FMNL2: variants seen among roughly 807,000 people sequenced by gnomAD.
FMNL2 encodes the protein formin-like protein 2.
In FMNL2, 51 loss-of-function variants were observed where a neutral mutation model predicts 130.2. The observed-to-expected ratio is 0.39, with a 90% CI of 0.31 to 0.49. The LOEUF (loss-of-function observed/expected upper bound fraction) is 0.49. Ranked by LOEUF, FMNL2 falls within the 20% of genes least tolerant of loss-of-function variation. The pLI, the probability that FMNL2 is intolerant of heterozygous loss-of-function variation, is 0.85. For missense variants in FMNL2, 977 were observed against 1,316.2 expected (o/e 0.74, Z 3.99); for synonymous variants, 465 against 467.1 (o/e 1.00, Z 0.06).
At chr2:152,558,600 G>C (rs11692343) in intron 4 of FMNL2, 140 bp from the exon 5 acceptor site, 17,967 of 663,068 alleles carry the variant, frequency 0.027, 328 homozygotes, top group Non-Finnish European at 0.035. Flanking sequence ...CTCATGTGAA[G>C]TAGTCTAGGC....
In FMNL2 at chr2:152,487,779, T is replaced by G. The variant is rs190512845; in HGVS notation, c.118-34164T>G. 7.2e-5 allele frequency among the ~76,000 whole-genome samples: 11 copies of G among 152,088 alleles called. No individual in the cohort carries two copies. In the East Asian group the frequency reaches 1.9e-3, roughly 27 times the overall value. On this transcript the variant is annotated intron_variant, in intron 1 of 25. Transcript: ENST00000288670. ...TATAATAAAACACTTTTAGATGAAT[T>G]CTTTCTTTTTTTTTTTTTTCCTTTT...
intron 1 of FMNL2, among the ~76,000 whole-genome samples, chr2:152,422,468 A>G (rs983102217): frequency 2.6e-5 from 4 of 152,122 alleles, no homozygotes; most frequent in African/African-American, 9.7e-5. Flanking sequence ...ATTGAGGTAT[A>G]CTTTAAATGC....
chr2:152,528,456 T>G, intron 2 of FMNL2, among the ~76,000 whole-genome samples: 1 of 152,134 alleles, frequency 6.6e-6, no homozygotes, highest in Middle Eastern at 3.2e-3. Flanking sequence ...TTCCTTCTGG[T>G]GTCTCTGGGC....
At chr2:152,442,686 A>G (rs933236046) in intron 1 of FMNL2, among the ~76,000 whole-genome samples, 9 of 152,208 alleles carry the variant, frequency 5.9e-5, no homozygotes, top group Admixed American at 3.9e-4. Context: ...GGTTGTTTCT[A>G]TAATACATAA....
At chr2:152,355,940 ACTTC>A (rs1287581297) in intron 1 of FMNL2, among the ~76,000 whole-genome samples, 3 of 152,174 alleles carry the variant, frequency 2.0e-5, no homozygotes, top group Admixed American at 6.5e-5. Flanking sequence ...TTCTCTCCTG[ACTTC>A]CTTTCTCCCG....
At chr2:152,617,249 T>C in intron 13 of FMNL2, 57 bp downstream of exon 13, 1 of 1,498,532 alleles carries the variant, frequency 6.7e-7, no homozygotes, top group Non-Finnish European at 9.2e-7. Flanking sequence ...TACTCCAGCT[T>C]TCGTCCAGTG....
chr2:152,631,392 C>CAA (rs33966314), intron 20 of FMNL2, among the ~76,000 whole-genome samples: 17,538 of 77,100 alleles, frequency 0.23, 2,015 homozygotes, highest in Middle Eastern at 0.34. Context: ...GACTCCATCT[C>CAA]AAAAAAAAAA....
intron 1 of FMNL2, among the ~76,000 whole-genome samples, chr2:152,384,585 C>T (rs551731695): frequency 1.3e-5 from 2 of 152,170 alleles, no homozygotes; most frequent in Non-Finnish European, 2.9e-5. Context: ...CCTCAGGCTT[C>T]CTGAGTGAAA....
intron 7 of FMNL2, among the ~76,000 whole-genome samples, chr2:152,575,687 G>T (rs1696435325): frequency 6.6e-6 from 1 of 152,178 alleles, no homozygotes; most frequent in African/African-American, 2.4e-5. Flanking sequence ...CTTGGTGAAT[G>T]CTTGTGACTA....
intron 4 of FMNL2, among the ~76,000 whole-genome samples, chr2:152,557,957 A>C (rs1695318641): frequency 6.6e-6 from 1 of 152,150 alleles, no homozygotes; most frequent in East Asian, 1.9e-4. Context: ...AAATCTGTAA[A>C]AGGGGGTGGT....
At chr2:152,355,160 A>G (rs772251785) in intron 1 of FMNL2, among the ~76,000 whole-genome samples, 9 of 152,158 alleles carry the variant, frequency 5.9e-5, no homozygotes, top group African/African-American at 1.7e-4. Flanking sequence ...ATCAATCACA[A>G]TGCTGGTATT....
chr2:152,461,474 T>C (rs1689246341), intron 1 of FMNL2, among the ~76,000 whole-genome samples: 1 of 152,200 alleles, frequency 6.6e-6, no homozygotes, highest in Admixed American at 6.5e-5. Flanking sequence ...GATTATAAAA[T>C]TTAGAGTCAA....
intron 1 of FMNL2, among the ~76,000 whole-genome samples, chr2:152,343,334 C>T (rs1681918770): frequency 6.6e-6 from 1 of 152,168 alleles, no homozygotes; most frequent in African/African-American, 2.4e-5. Context: ...CTCCTTCTGT[C>T]ATCTGGGCTG....
At chr2:152,582,930 T>C (rs1365526391) in intron 9 of FMNL2, among the ~76,000 whole-genome samples, 1 of 152,208 alleles carries the variant, frequency 6.6e-6, no homozygotes, top group Non-Finnish European at 1.5e-5. Flanking sequence ...TATATTTGTA[T>C]AGAACAAGAA....
At chr2:152,494,590 A>G (rs1171481966) in intron 1 of FMNL2, among the ~76,000 whole-genome samples, 1 of 152,212 alleles carries the variant, frequency 6.6e-6, no homozygotes, top group African/African-American at 2.4e-5. Flanking sequence ...GAGAGAAAGG[A>G]TATTCATTTG....
chr2:152,442,510 A>C (rs1023213373), intron 1 of FMNL2, among the ~76,000 whole-genome samples: 3 of 151,914 alleles, frequency 2.0e-5, no homozygotes, highest in African/African-American at 7.2e-5. Flanking sequence ...TGGCCTCCCT[A>C]AGTGCTGGGA....
At chr2:152,600,008 A>G (rs757186619) in intron 9 of FMNL2, among the ~76,000 whole-genome samples, 2 of 152,250 alleles carry the variant, frequency 1.3e-5, no homozygotes, top group African/African-American at 2.4e-5. Flanking sequence ...AGAACACCCC[A>G]GAAAAGTGGT....
At chr2:152,504,420 T>A (rs1423054922) in intron 1 of FMNL2, among the ~76,000 whole-genome samples, 2 of 151,968 alleles carry the variant, frequency 1.3e-5, no homozygotes, top group Non-Finnish European at 2.9e-5. Flanking sequence ...CTAATTTTTT[T>A]ATTTTTCGTA....
chr2:152,587,740 A>G (rs1232565493), intron 9 of FMNL2, among the ~76,000 whole-genome samples: 2 of 152,156 alleles, frequency 1.3e-5, no homozygotes, highest in African/African-American at 4.8e-5. Context: ...TTGTTAAGGG[A>G]TGAGTCATAC....
Sources: gnomAD v4.1 joint callset for allele counts (sites outside exome capture counted in the v4.1 genomes callset) on GRCh38, gnomAD v4.1.1 for gene constraint, MANE v1.5 for transcripts, NCBI Gene and HGNC (gene_info 2026-07-23, HGNC 2026-07-21) for gene names.